The following CSMD1 variants were observed in gnomAD, a reference collection of about 807,000 sequenced individuals.
CSMD1 encodes CUB and Sushi multiple domains 1.
A neutral mutation model predicts 417.5 loss-of-function variants in CSMD1; 213 were observed. That is an observed-to-expected ratio of 0.51 (90% CI 0.46 to 0.57). CSMD1 has a LOEUF of 0.57. CSMD1 is among the 20% of genes least tolerant of loss of function. The probability of loss-of-function intolerance (pLI) is 0.00; values close to 1 mark genes in which losing one functional copy is unlikely to be tolerated. For missense variants in CSMD1, 6,923 were observed against 4,529.7 expected, an observed-to-expected ratio of 1.53 and a Z score of -15.17; for synonymous variants, 2,862 against 1,736.8, an observed-to-expected ratio of 1.65 and a Z score of -16.11.
At chr8:3,918,472 G>C (rs969422891) in intron 5 of CSMD1, among the ~76,000 whole-genome samples, 1 of 152,046 alleles carries the variant, frequency 6.6e-6, no homozygotes, top group Non-Finnish European at 1.5e-5. Context: ...TTATATACCT[G>C]TTGGACGTTT....
At chr8:4,750,209 G>C (rs60208878) in intron 1 of CSMD1, among the ~76,000 whole-genome samples, 1 of 151,690 alleles carries the variant, frequency 6.6e-6, no homozygotes, top group Non-Finnish European at 1.5e-5. Flanking sequence ...GGGTTTCACC[G>C]TGTTAGCCAC....
rs929535205 is a variant in CSMD1, at chr8:3,072,140, T to C, written c.7474+14957A>G. 2.0e-5 allele frequency among the ~76,000 whole-genome samples: 3 copies of C among 152,226 alleles called. 1 individual carries two copies. The highest frequency in any genetic ancestry group is 7.2e-5 in the African/African-American group (3 of 41,454). On this transcript the variant is annotated intron_variant, in intron 49 of 69. Transcript: ENST00000635120. ...AGTGAATGGCAGAAAGTCTCGAGTC[T>C]CAGGGCATCTGAGATCAATTCTTCC...
At chr8:3,105,236 C>T (rs1300516648) in intron 46 of CSMD1, among the ~76,000 whole-genome samples, 1 of 152,174 alleles carries the variant, frequency 6.6e-6, no homozygotes, top group African/African-American at 2.4e-5. Context: ...GTGACTTGCT[C>T]AAAGCTGCCT....
intron 36 of CSMD1, chr8:3,182,872 G>GTGTGTGTGTGTGTGTGTGTGTC (rs1821474153): frequency 7.3e-6 from 1 of 136,782 alleles, no homozygotes; most frequent in Non-Finnish European, 1.6e-5. Context: ...GTGTGTGTGT[G>GTGTGTGTGTGTGTGTGTGTGTC]TGTGTGTGTG....
intron 3 of CSMD1, among the ~76,000 whole-genome samples, chr8:4,419,717 A>T (rs1290787490): frequency 2.0e-5 from 3 of 152,148 alleles, no homozygotes; most frequent in African/African-American, 7.2e-5. Flanking sequence ...ACCAAAACAA[A>T]ACCCCAAGAA....
intron 39 of CSMD1, among the ~76,000 whole-genome samples, chr8:3,157,575 G>C (rs1819611154): frequency 6.6e-6 from 1 of 152,312 alleles, no homozygotes; most frequent in South Asian, 2.1e-4. Flanking sequence ...TTTCAGACCA[G>C]CTGCATTCCT....
At chr8:4,886,050 G>T (rs536262708) in intron 1 of CSMD1, among the ~76,000 whole-genome samples, 7 of 152,130 alleles carry the variant, frequency 4.6e-5, no homozygotes, top group Admixed American at 6.5e-5. Context: ...GACTGCAGTG[G>T]TGCAATCTTG....
chr8:3,974,254 T>G (rs1156791935), intron 5 of CSMD1, among the ~76,000 whole-genome samples: 1 of 151,908 alleles, frequency 6.6e-6, no homozygotes, highest in Non-Finnish European at 1.5e-5. Context: ...TTATCTTAAA[T>G]AATTATTTTT....
intron 1 of CSMD1, among the ~76,000 whole-genome samples, chr8:4,927,546 C>T (rs539323098): frequency 6.6e-6 from 1 of 152,060 alleles, no homozygotes; most frequent in Admixed American, 6.6e-5. Flanking sequence ...TGGAAAGGGG[C>T]AACAACTAGC....
chr8:4,755,196 G>A (rs1017385225), intron 1 of CSMD1, among the ~76,000 whole-genome samples: 2 of 152,158 alleles, frequency 1.3e-5, no homozygotes, highest in Admixed American at 6.5e-5. Flanking sequence ...AAGTTCTCTT[G>A]TAAAAATCTC....
intron 27 of CSMD1, among the ~76,000 whole-genome samples, chr8:3,229,325 A>T (rs182137521): frequency 1.3e-5 from 2 of 152,346 alleles, no homozygotes; most frequent in Admixed American, 1.3e-4. Context: ...TTTCTTTTTA[A>T]GACTTAGATG....
chr8:3,938,898 T>C (rs1209101101), intron 5 of CSMD1, among the ~76,000 whole-genome samples: 1 of 152,160 alleles, frequency 6.6e-6, no homozygotes, highest in Non-Finnish European at 1.5e-5. Context: ...TGTATATCTA[T>C]ATGCTCAATA....
intron 23 of CSMD1, among the ~76,000 whole-genome samples, chr8:3,333,905 G>T (rs542691367): frequency 6.6e-6 from 1 of 152,332 alleles, no homozygotes; most frequent in Non-Finnish European, 1.5e-5. Flanking sequence ...ATCTGTGAGT[G>T]TCTTTATTAT....
intron 25 of CSMD1, among the ~76,000 whole-genome samples, chr8:3,292,064 C>T (rs571444301): frequency 6.6e-6 from 1 of 152,168 alleles, no homozygotes; most frequent in South Asian, 2.1e-4. Flanking sequence ...ATCTTTATTT[C>T]TGCCTTCATT....
At chr8:3,459,606 G>A (rs1428542258) in intron 12 of CSMD1, among the ~76,000 whole-genome samples, 1 of 152,128 alleles carries the variant, frequency 6.6e-6, no homozygotes, top group African/African-American at 2.4e-5. Flanking sequence ...ACCAATAGCA[G>A]CAGAGCACCC....
chr8:3,271,050 G>A (rs1193483306), intron 26 of CSMD1, among the ~76,000 whole-genome samples: 1 of 151,528 alleles, frequency 6.6e-6, no homozygotes. Context: ...CTAGCAATAG[G>A]TATATCTCCC....
At chr8:3,517,832 C>T (rs1021618314) in intron 10 of CSMD1, among the ~76,000 whole-genome samples, 17 of 152,122 alleles carry the variant, frequency 1.1e-4, no homozygotes, top group East Asian at 1.9e-4. Flanking sequence ...AAACACCCAA[C>T]GACCCATCCT....
At chr8:4,625,847 C>T (rs1802073309) in intron 2 of CSMD1, among the ~76,000 whole-genome samples, 1 of 152,016 alleles carries the variant, frequency 6.6e-6, no homozygotes, top group South Asian at 2.1e-4. Flanking sequence ...CCTGAGCCTC[C>T]CGAGTAGCAG....
At chr8:4,155,271 G>A (rs1237895780) in intron 3 of CSMD1, among the ~76,000 whole-genome samples, 1 of 152,148 alleles carries the variant, frequency 6.6e-6, no homozygotes, top group Non-Finnish European at 1.5e-5. Flanking sequence ...AATAAGTCCG[G>A]GTGTGAATTA....
Sources: allele counts gnomAD v4.1 joint callset (sites outside exome capture counted in the v4.1 genomes callset), GRCh38; gene constraint gnomAD v4.1.1; transcripts MANE v1.5; gene names NCBI Gene and HGNC (gene_info 2026-07-23, HGNC 2026-07-21).